SRGAP2: variants seen among roughly 807,000 people sequenced by gnomAD.
SRGAP2 encodes SLIT-ROBO Rho GTPase-activating protein 2.
In SRGAP2, 15 loss-of-function variants were observed where a neutral mutation model predicts 57.2. The ratio of observed to expected loss-of-function variants is 0.26; its 90% confidence interval spans 0.18 to 0.40. The LOEUF is 0.40. Ranked by LOEUF, SRGAP2 falls within the 10% of genes least tolerant of loss-of-function variation. The probability of loss-of-function intolerance (pLI) is 1.00; values close to 1 mark genes in which losing one functional copy is unlikely to be tolerated. For synonymous variants in SRGAP2, 249 were observed against 248.0 expected, an observed-to-expected ratio of 1.00 and a Z score of -0.04; for missense variants, 520 against 669.6, an observed-to-expected ratio of 0.78 and a Z score of 2.47.
At chr1:206,319,041 G>A (rs1235506460) in intron 3 of SRGAP2, among the ~76,000 whole-genome samples, 3 of 152,098 alleles carry the variant, frequency 2.0e-5, no homozygotes, top group Non-Finnish European at 2.9e-5. Flanking sequence ...TGATTAATGG[G>A]TTATTGTTAT....
chr1:206,238,804 G>A (rs1443155529), intron 2 of SRGAP2, among the ~76,000 whole-genome samples: 1 of 151,762 alleles, frequency 6.6e-6, no homozygotes, highest in Non-Finnish European at 1.5e-5. Context: ...AGCTACTGTG[G>A]GACATTAGAC....
chr1:206,286,669 G>A (rs1417764652), intron 2 of SRGAP2, among the ~76,000 whole-genome samples: 4 of 152,178 alleles, frequency 2.6e-5, no homozygotes, highest in African/African-American at 7.2e-5. Flanking sequence ...AGAGAGTGTC[G>A]GGGCACTTTC....
rs1572084325 is a variant in SRGAP2 at position 206,411,603 on chromosome 1, T to A, written c.1357-4286T>A. On this transcript the variant is annotated intron_variant, in intron 10 of 22. Transcript: ENST00000573034. ...CAGCCACTATAGTGACATCTGTGTATCTCTGAGCATGGGCTGGGTAGGTGT... is the reference window on the plus strand; with the variant it reads ...CAGCCACTATAGTGACATCTGTGTAACTCTGAGCATGGGCTGGGTAGGTGT... Among the ~76,000 whole-genome samples, 5 of 152,324 alleles carry A rather than the reference T, an allele frequency of 3.3e-5. No individual in the cohort carries two copies. In the South Asian group the frequency reaches 1.0e-3, roughly 32 times the overall value.
intron 2 of SRGAP2, among the ~76,000 whole-genome samples, chr1:206,244,436 G>T: frequency 9.1e-6 from 1 of 109,782 alleles, no homozygotes; most frequent in Middle Eastern, 3.8e-3. Context: ...GCTAATTTTT[G>T]TATTTTTAGT....
At chr1:206,362,913 A>G (rs1464027965) in intron 4 of SRGAP2, among the ~76,000 whole-genome samples, 3 of 152,124 alleles carry the variant, frequency 2.0e-5, no homozygotes, top group Non-Finnish European at 4.4e-5. Context: ...GGCCCCTGAT[A>G]TTGAATACAG....
chr1:206,240,533 T>C (rs1668158063), intron 2 of SRGAP2, among the ~76,000 whole-genome samples: 1 of 152,168 alleles, frequency 6.6e-6, no homozygotes, highest in Non-Finnish European at 1.5e-5. Flanking sequence ...GCCTAGGCCA[T>C]ATGTGGATGT....
At chr1:206,205,225 A>G (rs1176808863) in intron 1 of SRGAP2, 3 of 151,224 alleles carry the variant, frequency 2.0e-5, no homozygotes, top group Middle Eastern at 3.2e-3. Flanking sequence ...CGGCTGCTCC[A>G]AAGTGTTTTC....
chr1:206,365,786 G>A (rs2103006470), intron 4 of SRGAP2, among the ~76,000 whole-genome samples: 1 of 146,694 alleles, frequency 6.8e-6, no homozygotes, highest in East Asian at 2.0e-4. Flanking sequence ...TTTCCTTATT[G>A]GTTAAATTCC....
chr1:206,282,013 C>T (rs1670769010), intron 2 of SRGAP2, among the ~76,000 whole-genome samples: 1 of 139,328 alleles, frequency 7.2e-6, no homozygotes. Context: ...CTTTTTGAGA[C>T]ATGTAAAATC....
chr1:206,398,148 G>T (rs1465992489), intron 7 of SRGAP2, among the ~76,000 whole-genome samples: 8 of 150,846 alleles, frequency 5.3e-5, no homozygotes, highest in African/African-American at 2.0e-4. Context: ...CGTGGCCACA[G>T]AACTCATCAG....
intron 14 of SRGAP2, among the ~76,000 whole-genome samples, chr1:206,435,189 T>A (rs1661619378): frequency 6.6e-6 from 1 of 152,212 alleles, no homozygotes; most frequent in Non-Finnish European, 1.5e-5. Flanking sequence ...TTTAATGTTG[T>A]TTCAGTTGGA....
intron 2 of SRGAP2, among the ~76,000 whole-genome samples, chr1:206,236,032 G>GA (rs1246593796): frequency 1.7e-5 from 1 of 57,698 alleles, no homozygotes; most frequent in African/African-American, 7.2e-5. Flanking sequence ...TGTCTTTAAA[G>GA]AAAAAAAGAG....
At chr1:206,435,992 A>G (rs1661708326) in intron 14 of SRGAP2, among the ~76,000 whole-genome samples, 2 of 152,178 alleles carry the variant, frequency 1.3e-5, no homozygotes, top group South Asian at 4.1e-4. Context: ...TGGCAATACT[A>G]TCTGTTGACT....
chr1:206,381,245 A>G (rs1655683736), intron 4 of SRGAP2, among the ~76,000 whole-genome samples: 1 of 151,832 alleles, frequency 6.6e-6, no homozygotes, highest in Non-Finnish European at 1.5e-5. Flanking sequence ...GGGCTAGGTT[A>G]TTTAAGTCAT....
chr1:206,290,894 AC>A (rs1671281142), intron 2 of SRGAP2, among the ~76,000 whole-genome samples: 1 of 152,068 alleles, frequency 6.6e-6, no homozygotes, highest in Non-Finnish European at 1.5e-5. Context: ...CCAGGGTCAG[AC>A]TTTTCTCTGC....
Position 206,333,240 on chromosome 1 carries a change from G to T in SRGAP2, c.261-9606G>T, listed in dbSNP as rs565474764. On this transcript the variant is annotated intron_variant, in intron 3 of 22. Coordinates refer to ENST00000573034, the MANE Select transcript of SRGAP2 (RefSeq NM_015326.5). Reference sequence around the variant, plus strand: ...TCAGATGGAAATGCAGAAATCACCCGTCTTCTGCGTCGCTCACGCTGGGAG... The same window carrying T: ...TCAGATGGAAATGCAGAAATCACCCTTCTTCTGCGTCGCTCACGCTGGGAG... The T allele has an allele frequency of 6.2e-6, 5 of 800,850 alleles. No homozygotes were observed. The African/African-American group carries it at 6.9e-5, about 11-fold the overall frequency. The allele number at this position is 800,850 out of a possible 1,614,324, so 49.6% of individuals were successfully genotyped here.
At chr1:206,449,205 A>G (rs1393877406) in intron 18 of SRGAP2, among the ~76,000 whole-genome samples, 1 of 152,110 alleles carries the variant, frequency 6.6e-6, no homozygotes, top group Non-Finnish European at 1.5e-5. Flanking sequence ...TGAGTTCTGA[A>G]GTCCATGAGC....
intron 10 of SRGAP2, among the ~76,000 whole-genome samples, chr1:206,411,679 G>A (rs1485749585): frequency 1.3e-5 from 2 of 152,154 alleles, no homozygotes; most frequent in Admixed American, 6.5e-5. Context: ...TTGGGTTCAC[G>A]CAGATTAAAT....
At chr1:206,382,635 T>G (rs1655807119) in intron 4 of SRGAP2, among the ~76,000 whole-genome samples, 1 of 152,180 alleles carries the variant, frequency 6.6e-6, no homozygotes, top group African/African-American at 2.4e-5. Context: ...TTTTGAGGTT[T>G]TCTAGTTTCC....
Sources: gnomAD v4.1 joint callset for allele counts (sites outside exome capture counted in the v4.1 genomes callset) on GRCh38, gnomAD v4.1.1 for gene constraint, MANE v1.5 for transcripts, NCBI Gene and HGNC (gene_info 2026-07-23, HGNC 2026-07-21) for gene names.